The following GLI2 variants were observed in gnomAD, a reference collection of about 807,000 sequenced individuals.
GLI2 encodes the protein transcription activator GLI2.
A neutral mutation model predicts 78.9 loss-of-function variants in GLI2; 22 were observed. That is an observed-to-expected ratio of 0.28 (90% CI 0.20 to 0.40). GLI2 has a LOEUF of 0.40. Ranked by LOEUF, GLI2 falls within the 10% of genes least tolerant of loss-of-function variation. GLI2 has a pLI of 1.00. For missense variants in GLI2, 2,097 were observed against 2,213.2 expected, an observed-to-expected ratio of 0.95 and a Z score of 1.05; for synonymous variants, 974 against 963.7, an observed-to-expected ratio of 1.01 and a Z score of -0.20.
intron 5 of GLI2, among the ~76,000 whole-genome samples, chr2:120,966,966 G>A (rs1279182997): frequency 6.6e-6 from 1 of 152,248 alleles, no homozygotes; most frequent in Non-Finnish European, 1.5e-5. Context: ...GTGAGCAGGA[G>A]GCCCATGGAG....
chr2:120,911,808 G>C (rs1678836745), intron 2 of GLI2, among the ~76,000 whole-genome samples: 1 of 151,948 alleles, frequency 6.6e-6, no homozygotes, highest in Non-Finnish European at 1.5e-5. Flanking sequence ...GGCTGAGTTG[G>C]CATGATGAGG....
chr2:120,834,582 C>T lies in GLI2; in HGVS notation c.148+37114C>T, dbSNP rs144133152. Among the ~76,000 whole-genome samples, 369 of 152,272 alleles carry T rather than the reference C, an allele frequency of 2.4e-3. 1 individual carries two copies. Among genetic ancestry groups the T allele is most frequent in the African/African-American group, 8.5e-3 (352 of 41,556 alleles). On this transcript the variant is annotated intron_variant, in intron 2 of 13. Coordinates refer to ENST00000361492, the MANE Select transcript of GLI2 (RefSeq NM_001374353.1). ...CCAGCCTTGGGAGGGGCTGCCTTCC[C>T]TCAGTCATCGAAGCCCCAGATGTGA...
intron 2 of GLI2, among the ~76,000 whole-genome samples, chr2:120,889,493 C>T (rs1468667783): frequency 2.6e-5 from 4 of 152,276 alleles, no homozygotes; most frequent in East Asian, 3.9e-4. Flanking sequence ...CATTGGACCT[C>T]GCCAAAATCA....
intron 1 of GLI2, among the ~76,000 whole-genome samples, chr2:120,790,094 TG>T (rs1684104410): frequency 6.6e-6 from 1 of 152,238 alleles, no homozygotes; most frequent in Non-Finnish European, 1.5e-5. Context: ...TGAGTCAACA[TG>T]GGAACCATGG....
At chr2:120,874,599 A>C (rs570072690) in intron 2 of GLI2, among the ~76,000 whole-genome samples, 57 of 152,126 alleles carry the variant, frequency 3.7e-4, no homozygotes, top group African/African-American at 1.2e-3. Flanking sequence ...ATCATCCGTG[A>C]CCTGTAGCAT....
At chr2:120,824,520 G>A (rs3943553) in intron 2 of GLI2, among the ~76,000 whole-genome samples, 2 of 152,134 alleles carry the variant, frequency 1.3e-5, no homozygotes, top group South Asian at 2.1e-4. Context: ...GCAGAATGGC[G>A]GCTCCAGAGT....
intron 2 of GLI2, among the ~76,000 whole-genome samples, chr2:120,797,817 A>G: frequency 6.6e-6 from 1 of 152,218 alleles, no homozygotes; most frequent in East Asian, 1.9e-4. Context: ...AAATGTGCCC[A>G]GAGAACTTCT....
Position 120,841,848 on chromosome 2 carries a change from GGTGTGTGTGTGT to G in GLI2, c.148+44410_148+44421del, listed in dbSNP as rs555474895. Among the ~76,000 whole-genome samples, 175 of 132,690 alleles carry G rather than the reference GGTGTGTGTGTGT, an allele frequency of 1.3e-3. No individual in the cohort carries two copies. In the East Asian group the frequency reaches 0.014, roughly 11 times the overall value. 87.0% of individuals were successfully genotyped at this position (132,690 alleles called of 152,430 possible). A position where few individuals can be genotyped will look rare whatever the true frequency, so the allele number is the denominator to read the frequency against. On this transcript the variant is annotated intron_variant, in intron 2 of 13. Transcript: ENST00000361492. Reference sequence around the variant, plus strand: ...AGGACCATTGCAAGCCAGTCTGGAGGGTGTGTGTGTGTGTGTGTGTGTGTGTGTGTGTGTGTG... The same window carrying G: ...AGGACCATTGCAAGCCAGTCTGGAGGGTGTGTGTGTGTGTGTGTGTGTGTG...
At chr2:120,861,432 G>T (rs530472644) in intron 2 of GLI2, among the ~76,000 whole-genome samples, 46 of 152,342 alleles carry the variant, frequency 3.0e-4, no homozygotes, top group African/African-American at 1.1e-3. Context: ...TCCAGGTGGA[G>T]CCTGGGAGGG....
chr2:120,853,983 C>T (rs534305757), intron 2 of GLI2, among the ~76,000 whole-genome samples: 3 of 152,162 alleles, frequency 2.0e-5, no homozygotes, highest in Non-Finnish European at 4.4e-5. Flanking sequence ...GTGGCTCCCC[C>T]GAGCCCATTT....
intron 2 of GLI2, among the ~76,000 whole-genome samples, chr2:120,803,115 G>A (rs1684776103): frequency 6.6e-6 from 1 of 152,256 alleles, no homozygotes; most frequent in Admixed American, 6.5e-5. Flanking sequence ...GACTTCTGAT[G>A]TGCTTACACA....
chr2:120,921,854 C>A (rs1460526140), intron 2 of GLI2, among the ~76,000 whole-genome samples: 1 of 152,194 alleles, frequency 6.6e-6, no homozygotes, highest in East Asian at 1.9e-4. Context: ...CTCCATCCAT[C>A]CTTCTGTGCC....
intron 2 of GLI2, among the ~76,000 whole-genome samples, chr2:120,880,988 C>A (rs750714839): frequency 6.6e-6 from 1 of 152,144 alleles, no homozygotes; most frequent in African/African-American, 2.4e-5. Flanking sequence ...AAGGCAGCAC[C>A]CCCTGTTACC....
Position 120,989,955 on chromosome 2 carries a change from C to G in GLI2, c.3990C>G (p.Arg1330=), listed in dbSNP as rs1484065423. The change falls in exon 14 of 14, where the codon CGC becomes CGG. Residue 1330 remains arginine, a synonymous_variant. Transcript: ENST00000361492. ...YHQVPSLLPA[R]QPGFMEPQTG... Reference sequence around the variant, plus strand: ...AGGTCCCCAGCCTTCTGCCTGCCCGCCAGCCTGGCTTCATGGAGCCCCAAA... The same window carrying G: ...AGGTCCCCAGCCTTCTGCCTGCCCGGCAGCCTGGCTTCATGGAGCCCCAAA... The G allele has an allele frequency of 6.2e-7, 1 of 1,611,156 alleles. No individual in the cohort carries two copies. Among genetic ancestry groups the G allele is most frequent in the East Asian group, 2.2e-5 (1 of 44,832 alleles).
intron 1 of GLI2, among the ~76,000 whole-genome samples, chr2:120,769,429 G>T (rs1683461404): frequency 6.6e-6 from 1 of 152,218 alleles, no homozygotes; most frequent in African/African-American, 2.4e-5. Flanking sequence ...TCAGTGCCCT[G>T]TGCATTTAGT....
chr2:120,809,149 C>T (rs755078705), intron 2 of GLI2, among the ~76,000 whole-genome samples: 12 of 152,166 alleles, frequency 7.9e-5, no homozygotes, highest in East Asian at 1.9e-4. Flanking sequence ...ATGAGCAGAA[C>T]GTGGTATGTA....
intron 7 of GLI2, 52 bp from the exon 8 acceptor site, chr2:120,971,889 A>T (rs1573705155): frequency 6.3e-7 from 1 of 1,591,940 alleles, no homozygotes; most frequent in East Asian, 2.2e-5. Flanking sequence ...AAAATTTGGG[A>T]TATCCCTGCC....
chr2:120,862,509 G>A (rs1307422528), intron 2 of GLI2, among the ~76,000 whole-genome samples: 1 of 152,126 alleles, frequency 6.6e-6, no homozygotes, highest in African/African-American at 2.4e-5. Flanking sequence ...ATGCTGAGCT[G>A]TGCGTGACCC....
At position 120,901,980 on chromosome 2, in the gene GLI2, T is replaced by A. The variant is rs896990088; in HGVS notation, c.149-25381T>A. Among the ~76,000 whole-genome samples, 79 of 152,178 alleles carry A rather than the reference T, an allele frequency of 5.2e-4. 1 individual carries two copies. The highest frequency in any genetic ancestry group is 1.8e-3 in the African/African-American group (73 of 41,428). On this transcript the variant is annotated intron_variant, in intron 2 of 13. Transcript: ENST00000361492. ...ATTCAGATTTGTTGTGCCTTTTTTT[T>A]AATAAAAAGAGTGTTGTGGAGACTC...
Sources: allele counts gnomAD v4.1 joint callset (sites outside exome capture counted in the v4.1 genomes callset), GRCh38; gene constraint gnomAD v4.1.1; transcripts MANE v1.5; gene names NCBI Gene and HGNC (gene_info 2026-07-23, HGNC 2026-07-21).